The following CWC27 variants were observed in gnomAD, a reference collection of about 807,000 sequenced individuals.
The protein encoded by CWC27 is spliceosome-associated protein CWC27 homolog.
A neutral mutation model predicts 63.6 loss-of-function variants in CWC27; 47 were observed. That is an observed-to-expected ratio of 0.74 (90% CI 0.58 to 0.94). CWC27 has a LOEUF of 0.94. Among genes scored for constraint, CWC27 ranks in the 40% least tolerant of loss-of-function variants. The pLI, the probability that CWC27 is intolerant of heterozygous loss-of-function variation, is 0.00. For missense variants in CWC27, 495 were observed against 554.3 expected (o/e 0.89, Z 1.07); for synonymous variants, 175 against 179.8 (o/e 0.97, Z 0.22).
At chr5:64,924,600 C>A (rs758205191) in intron 11 of CWC27, among the ~76,000 whole-genome samples, 2 of 152,028 alleles carry the variant, frequency 1.3e-5, no homozygotes, top group Non-Finnish European at 2.9e-5. Flanking sequence ...ATTATCACCC[C>A]AAATCTAAAT....
intron 13 of CWC27, among the ~76,000 whole-genome samples, chr5:64,985,650 GT>G (rs759436243): frequency 5.8e-4 from 88 of 152,236 alleles, no homozygotes; most frequent in Non-Finnish European, 2.5e-4. Context: ...CTAGTTCTAG[GT>G]TTTTGGATTT....
chr5:64,818,493 G>C (rs888249734), intron 10 of CWC27, among the ~76,000 whole-genome samples: 11 of 152,076 alleles, frequency 7.2e-5, no homozygotes, highest in Admixed American at 4.6e-4. Flanking sequence ...TTTAAAGACA[G>C]GCTTTGTTTA....
chr5:64,769,084 C>T lies in CWC27; in HGVS notation c.-63C>T, dbSNP rs1743140436. The T allele has an allele frequency of 9.1e-6, 13 of 1,434,068 alleles. No homozygotes were observed. In the South Asian group the frequency reaches 1.5e-4, roughly 16 times the overall value. The allele number at this position is 1,434,068 out of a possible 1,614,324, so 88.8% of individuals were successfully genotyped here. On this transcript the variant is annotated 5_prime_UTR_variant, in exon 1 of 14. Transcript: ENST00000381070. The stretch of plus-strand genomic sequence containing the variant: ...GAAGAGTGTACTCGTAGGCGGACAG[C>T]TTTAGTGGCCGGCCGGCCGCTCTCA...
chr5:64,801,291 TTTTTTTATAGTGAAAAAGGTGA>T lies in CWC27; in HGVS notation c.750-9_762del. ...TGAAACTAAAATTTGTTTTGCTTAT[TTTTTTTATAGTGAAAAAGGTGA>T]TGCACCAGATTTAGTTGATGTAAGT... On this transcript the variant is annotated splice_acceptor_variant and splice_polypyrimidine_tract_variant and coding_sequence_variant and intron_variant, in exon 9 of 14. Transcript: ENST00000381070. LOFTEE classifies it high-confidence loss of function. 7.0e-7 allele frequency: 1 copy of T among 1,422,190 alleles called. No individual in the cohort carries two copies. The highest frequency in any genetic ancestry group is 1.3e-5 in the South Asian group (1 of 77,124). The allele number at this position is 1,422,190 out of a possible 1,614,324, so 88.1% of individuals were successfully genotyped here.
chr5:64,872,426 C>T (rs1291432989), intron 10 of CWC27, among the ~76,000 whole-genome samples: 2 of 152,132 alleles, frequency 1.3e-5, no homozygotes, highest in East Asian at 3.8e-4. Flanking sequence ...TCAAGAGGAT[C>T]ACTTATATGC....
At chr5:64,810,949 A>G (rs1390179134) in intron 10 of CWC27, among the ~76,000 whole-genome samples, 1 of 152,160 alleles carries the variant, frequency 6.6e-6, no homozygotes, top group Non-Finnish European at 1.5e-5. Flanking sequence ...GTAATTTTAG[A>G]GAAAGAAAAT....
At chr5:64,886,033 GAATAGTATTA>G (rs1488530472) in intron 11 of CWC27, among the ~76,000 whole-genome samples, 4 of 152,074 alleles carry the variant, frequency 2.6e-5, no homozygotes, top group African/African-American at 7.2e-5. Context: ...GTGTTGGTTT[GAATAGTATTA>G]AATACCTAAT....
chr5:64,810,496 T>C (rs1260224993), intron 10 of CWC27, among the ~76,000 whole-genome samples: 1 of 152,166 alleles, frequency 6.6e-6, no homozygotes, highest in Non-Finnish European at 1.5e-5. Flanking sequence ...AGTATGGACA[T>C]TTTAATATTA....
At chr5:64,987,067 T>G (rs920783430) in intron 13 of CWC27, among the ~76,000 whole-genome samples, 2 of 151,196 alleles carry the variant, frequency 1.3e-5, no homozygotes, top group African/African-American at 4.9e-5. Context: ...TTTTGTTTAT[T>G]TTTATTTTTT....
rs577557203 is a variant in CWC27, at chr5:64,892,899, C to T, written c.1042+7353C>T. 5.3e-5 allele frequency among the ~76,000 whole-genome samples: 8 copies of T among 151,980 alleles called. No individual in the cohort carries two copies. In the East Asian group the frequency reaches 1.5e-3, roughly 29 times the overall value. On this transcript the variant is annotated intron_variant, in intron 11 of 13. Coordinates refer to ENST00000381070, the MANE Select transcript of CWC27 (RefSeq NM_005869.4). Reference sequence around the variant, plus strand: ...ATTTAAAAAGTCATTAAAATAAATCCTGAGCTCATGTTGTAGTCTGTTACC... The same window carrying T: ...ATTTAAAAAGTCATTAAAATAAATCTTGAGCTCATGTTGTAGTCTGTTACC...
chr5:64,861,218 A>C (rs947393084), intron 10 of CWC27, among the ~76,000 whole-genome samples: 5 of 148,940 alleles, frequency 3.4e-5, no homozygotes, highest in African/African-American at 1.2e-4. Context: ...TAAAGTATCA[A>C]CTCTAATGTC....
rs199774142 is a variant in CWC27, at chr5:64,885,508, T to G, written c.1004T>G (p.Val335Gly). ...CTCTTAGCAGCAAAACAAAAAAAAG[T>G]AGAAAATGCAGCAAAACAAGCAGAA... ...RELLAAKQKK[V>G]ENAAKQAEKR... is the part of the protein sequence containing the mutation. Residue 335 changes from valine to glycine, a missense_variant, in exon 11 of 14, where the codon GTA becomes GGA. Around this residue, in one of 3 missense-constraint regions of CWC27, gnomAD observed 463 missense variants for 498.1 expected, o/e 0.93. Coordinates refer to ENST00000381070, the MANE Select transcript of CWC27 (RefSeq NM_005869.4). 1.7e-4 allele frequency: 280 copies of G among 1,607,002 alleles called. 1 individual carries two copies. The highest frequency in any genetic ancestry group is 2.3e-4 in the Non-Finnish European group (266 of 1,176,590).
chr5:64,822,572 A>G (rs926630849), intron 10 of CWC27, among the ~76,000 whole-genome samples: 7 of 152,174 alleles, frequency 4.6e-5, no homozygotes, highest in African/African-American at 7.2e-5. Context: ...TATTGTGACC[A>G]GAGGAGAGAA....
chr5:64,911,653 A>G (rs112536091), intron 11 of CWC27, among the ~76,000 whole-genome samples: 123 of 152,292 alleles, frequency 8.1e-4, no homozygotes, highest in African/African-American at 2.9e-3. Flanking sequence ...GGTGTTTTTA[A>G]CAGTCTCTTG....
At chr5:64,891,941 C>T (rs1371000610) in intron 11 of CWC27, among the ~76,000 whole-genome samples, 5 of 152,048 alleles carry the variant, frequency 3.3e-5, no homozygotes, top group East Asian at 1.9e-4. Context: ...ATTACAGGCA[C>T]GCACCGCCAC....
At chr5:65,006,994 GAAA>G (rs1463484551) in intron 13 of CWC27, among the ~76,000 whole-genome samples, 16 of 148,962 alleles carry the variant, frequency 1.1e-4, no homozygotes, top group African/African-American at 3.7e-4. Context: ...AAGAAAGAAA[GAAA>G]GAAAGAAAGA....
intron 11 of CWC27, among the ~76,000 whole-genome samples, chr5:64,948,687 A>G (rs892344762): frequency 6.6e-6 from 1 of 152,014 alleles, no homozygotes; most frequent in Non-Finnish European, 1.5e-5. Flanking sequence ...TAATAATCAT[A>G]ATTTAGCAGT....
intron 13 of CWC27, among the ~76,000 whole-genome samples, chr5:64,989,944 G>A (rs1336122082): frequency 6.6e-6 from 1 of 151,864 alleles, no homozygotes. Context: ...GCTAATAAAA[G>A]GTATTTGGCT....
In CWC27 at chr5:65,009,923, C is replaced by G. The variant is rs531308816; in HGVS notation, c.1257-8236C>G. On this transcript the variant is annotated intron_variant, in intron 13 of 13. Transcript: ENST00000381070. Reference sequence around the variant, plus strand: ...ATTGCACTTTGCCATTTGCAGAGCCCTTTCAAATCCATGATGTTTGATCCT... The same window carrying G: ...ATTGCACTTTGCCATTTGCAGAGCCGTTTCAAATCCATGATGTTTGATCCT... Among the ~76,000 whole-genome samples the G allele has an allele frequency of 3.9e-5, 6 of 152,314 alleles. No individual in the cohort carries two copies. The South Asian group carries it at 1.2e-3, about 32-fold the overall frequency.
Sources: allele counts gnomAD v4.1 joint callset (sites outside exome capture counted in the v4.1 genomes callset), GRCh38; gene constraint gnomAD v4.1.1; regional missense constraint gnomAD v4.1.1; transcripts MANE v1.5; gene names NCBI Gene and HGNC (gene_info 2026-07-23, HGNC 2026-07-21).